RBFOX1: variants seen among roughly 807,000 people sequenced by gnomAD.
RBFOX1 encodes RNA binding fox-1 homolog 1.
A neutral mutation model predicts 57.7 loss-of-function variants in RBFOX1; 8 were observed. The ratio of observed to expected loss-of-function variants is 0.14; its 90% CI spans 0.08 to 0.25. The LOEUF (loss-of-function observed/expected upper bound fraction) is 0.25, where lower values mean the gene tolerates loss of function less well. RBFOX1 is among the 10% of genes least tolerant of loss of function. The pLI, the probability that RBFOX1 is intolerant of heterozygous loss-of-function variation, is 1.00. For missense variants in RBFOX1, 611 were observed against 548.5 expected, an observed-to-expected ratio of 1.11 and a Z score of -1.14; for synonymous variants, 326 against 222.4, an observed-to-expected ratio of 1.47 and a Z score of -4.15.
At chr16:6,558,500 G>A (rs1367609294) in intron 2 of RBFOX1, among the ~76,000 whole-genome samples, 1 of 152,028 alleles carries the variant, frequency 6.6e-6, no homozygotes, top group African/African-American at 2.4e-5. Context: ...CTGTCACGTT[G>A]GAAGGACATT....
intron 3 of RBFOX1, among the ~76,000 whole-genome samples, chr16:5,683,430 G>T (rs971355134): frequency 3.9e-5 from 6 of 151,986 alleles, no homozygotes; most frequent in Non-Finnish European, 8.8e-5. Context: ...GTCTCTGTGG[G>T]TGTCGCCAAA....
At chr16:5,827,174 G>A (rs544325306) in intron 3 of RBFOX1, among the ~76,000 whole-genome samples, 3 of 152,120 alleles carry the variant, frequency 2.0e-5, no homozygotes, top group South Asian at 2.1e-4. Context: ...GGCCGAGGTG[G>A]GTGGATCATG....
intron 3 of RBFOX1, among the ~76,000 whole-genome samples, chr16:6,795,772 A>G (rs2083875212): frequency 7.3e-6 from 1 of 136,464 alleles, no homozygotes; most frequent in East Asian, 2.0e-4. Context: ...TCTAAAAATA[A>G]AAAATGAAAA....
intron 3 of RBFOX1, among the ~76,000 whole-genome samples, chr16:6,932,524 C>G (rs936652511): frequency 2.0e-5 from 3 of 152,182 alleles, no homozygotes; most frequent in Admixed American, 6.5e-5. Flanking sequence ...TTAGGAGGAT[C>G]TGCTTCCAAG....
intron 4 of RBFOX1, among the ~76,000 whole-genome samples, chr16:7,462,741 G>T (rs1250429848): frequency 6.6e-6 from 1 of 152,226 alleles, no homozygotes; most frequent in Non-Finnish European, 1.5e-5. Flanking sequence ...TTTGCTGGCT[G>T]TCAGCAGGGA....
chr16:5,771,693 G>C (rs927663591), intron 3 of RBFOX1, among the ~76,000 whole-genome samples: 1 of 152,152 alleles, frequency 6.6e-6, no homozygotes, highest in Admixed American at 6.5e-5. Context: ...ACAGATGTAA[G>C]CTACCACACC....
intron 2 of RBFOX1, among the ~76,000 whole-genome samples, chr16:6,377,501 G>C (rs2091325483): frequency 6.6e-6 from 1 of 152,038 alleles, no homozygotes; most frequent in Non-Finnish European, 1.5e-5. Flanking sequence ...ATAATGCTCT[G>C]GGCCCTGGCA....
At chr16:7,324,087 A>G (rs1023756552) in intron 4 of RBFOX1, among the ~76,000 whole-genome samples, 1 of 152,112 alleles carries the variant, frequency 6.6e-6, no homozygotes. Flanking sequence ...GCTAATAGTC[A>G]TCATGAATTC....
intron 1 of RBFOX1, among the ~76,000 whole-genome samples, chr16:5,420,613 G>A (rs976763678): frequency 1.3e-5 from 2 of 151,736 alleles, no homozygotes; most frequent in Admixed American, 6.6e-5. Context: ...AGGCTCCAGC[G>A]ATCCTCCTAC....
At position 6,890,448 on chromosome 16, in the gene RBFOX1, G is replaced by A. The variant is rs138452127; in HGVS notation, c.-15-161609G>A. On this transcript the variant is annotated intron_variant, in intron 3 of 15. Coordinates refer to ENST00000550418, the MANE Select transcript of RBFOX1 (RefSeq NM_018723.4). ...GCTGGAGGATCACTTAAACCCAGAT[G>A]GCAGAGATTTCGGTGAACTGAGATA... Among the ~76,000 whole-genome samples, 517 of 152,294 alleles carry A rather than the reference G, an allele frequency of 3.4e-3. 4 individuals are homozygous for A. Among genetic ancestry groups the A allele is most frequent in the African/African-American group, 8.2e-3 (343 of 41,576 alleles).
At chr16:6,685,850 A>T (rs546919498) in intron 3 of RBFOX1, among the ~76,000 whole-genome samples, 31 of 152,260 alleles carry the variant, frequency 2.0e-4, no homozygotes, top group Admixed American at 3.9e-4. Flanking sequence ...ACAATAATAA[A>T]TATTTCTGTC....
intron 2 of RBFOX1, among the ~76,000 whole-genome samples, chr16:6,348,446 G>A (rs2085743477): frequency 6.6e-6 from 1 of 152,168 alleles, no homozygotes; most frequent in African/African-American, 2.4e-5. Context: ...TCTTTGCCCT[G>A]TTGTAGTCCT....
chr16:6,096,348 T>G (rs2096245233), intron 1 of RBFOX1, among the ~76,000 whole-genome samples: 1 of 152,182 alleles, frequency 6.6e-6, no homozygotes, highest in Non-Finnish European at 1.5e-5. Context: ...GATGCATTAT[T>G]GCATTATTTA....
At chr16:6,167,519 GT>G (rs2096926778) in intron 1 of RBFOX1, among the ~76,000 whole-genome samples, 2 of 152,002 alleles carry the variant, frequency 1.3e-5, no homozygotes, top group African/African-American at 4.8e-5. Flanking sequence ...ATTACTCTTT[GT>G]TTTGGGGACT....
At chr16:6,713,262 G>T (rs553853541) in intron 3 of RBFOX1, among the ~76,000 whole-genome samples, 1 of 69,460 alleles carries the variant, frequency 1.4e-5, no homozygotes, top group African/African-American at 7.2e-5. Context: ...TATCATACCT[G>T]GGTTTTTGTT....
intron 4 of RBFOX1, among the ~76,000 whole-genome samples, chr16:7,180,734 C>T (rs970129893): frequency 1.3e-5 from 2 of 149,730 alleles, no homozygotes; most frequent in Non-Finnish European, 3.0e-5. Context: ...AAAAAACCTG[C>T]CAGAACATTG....
rs764214215 is a variant in RBFOX1, at chr16:6,517,242, G to A, written c.-63-137361G>A. On this transcript the variant is annotated intron_variant, in intron 2 of 15. Coordinates refer to ENST00000550418, the MANE Select transcript of RBFOX1 (RefSeq NM_018723.4). ...ATGGCCTTCCCCTGCTGAACAGCTCGCATTTTGACATCACCCACAATTCTG... is the reference window on the plus strand; with the variant it reads ...ATGGCCTTCCCCTGCTGAACAGCTCACATTTTGACATCACCCACAATTCTG... 7.9e-5 allele frequency among the ~76,000 whole-genome samples: 12 copies of A among 152,162 alleles called. 1 individual carries two copies. Among genetic ancestry groups the A allele is most frequent in the South Asian group, 4.2e-4 (2 of 4,814 alleles).
intron 4 of RBFOX1, among the ~76,000 whole-genome samples, chr16:7,404,351 C>A (rs903489214): frequency 1.3e-5 from 2 of 152,142 alleles, no homozygotes; most frequent in Non-Finnish European, 2.9e-5. Flanking sequence ...CCGTGCCCAG[C>A]CGACATAGGA....
chr16:7,159,091 A>T (rs187357411), intron 4 of RBFOX1, among the ~76,000 whole-genome samples: 1 of 152,020 alleles, frequency 6.6e-6, no homozygotes. Context: ...CATATCAAGA[A>T]TATTATATAA....
Sources: allele counts gnomAD v4.1 joint callset (sites outside exome capture counted in the v4.1 genomes callset), GRCh38; gene constraint gnomAD v4.1.1; transcripts MANE v1.5; gene names NCBI Gene and HGNC (gene_info 2026-07-23, HGNC 2026-07-21).